Variants in COG3 observed in about 807,000 individuals in gnomAD.
COG3 encodes the protein conserved oligomeric Golgi complex subunit 3.
COG3 carries 32 observed loss-of-function variants against 114.1 expected under a neutral mutation model. The ratio of observed to expected loss-of-function variants is 0.28; its 90% CI spans 0.21 to 0.38. COG3 has a LOEUF of 0.38. Ranked by LOEUF, COG3 falls within the 10% of genes least tolerant of loss-of-function variation. The pLI is 1.00. For synonymous variants in COG3, 352 were observed against 365.7 expected, an observed-to-expected ratio of 0.96 and a Z score of 0.43; for missense variants, 813 against 973.2, an observed-to-expected ratio of 0.84 and a Z score of 2.19.
At chr13:45,503,207 T>C in intron 13 of COG3, 37 bp from the exon 14 acceptor site, 1 of 1,010,894 alleles carries the variant, frequency 9.9e-7, no homozygotes, top group Non-Finnish European at 1.6e-6. Context: ...CAAACACTGC[T>C]GAAAACGGTA....
At position 45,535,928 on chromosome 13, in the gene COG3, C is replaced by G. The variant is rs1873521444; in HGVS notation, c.*1197C>G. The G allele has an allele frequency of 1.0e-6, 1 of 974,568 alleles. No homozygotes were observed. The highest frequency in any genetic ancestry group is 1.7e-5 in the African/African-American group (1 of 57,146). The allele number at this position is 974,568 out of a possible 1,614,324, so 60.4% of individuals were successfully genotyped here. A position where few individuals can be genotyped will look rare whatever the true frequency, so the allele number is the denominator to read the frequency against. On this transcript the variant is annotated 3_prime_UTR_variant, in exon 23 of 23. Transcript: ENST00000349995. Reference sequence around the variant, plus strand: ...ACACTAGTCTAGAGGTGGACATTGTCAGGGGTTCTGGAATGGGACCAGGGG... The same window carrying G: ...ACACTAGTCTAGAGGTGGACATTGTGAGGGGTTCTGGAATGGGACCAGGGG...
rs767976227 is a variant in COG3, at chr13:45,529,910, C to T, written c.2350C>T (p.Pro784Ser). Residue 784 changes from proline to serine, a missense_variant, in exon 21 of 23, where the codon CCT becomes TCT. Pro to Ser is a moderately conservative substitution (Grantham distance 74). Around this residue, in one of 2 missense-constraint regions of COG3, gnomAD observed 389 missense variants for 542.6 expected, o/e 0.72. Transcript: ENST00000349995. ...AGATACCGAGTTCATCTTGTTTAAA[C>T]CTGTGAGGGTGAGTATCAGATAACT... is the stretch of plus-strand genomic sequence containing the variant. ...NKDTEFILFK[P>S]VRNNIQQVFQ... is the part of the protein sequence containing the mutation. The T allele has an allele frequency of 5.6e-6, 9 of 1,607,670 alleles. No individual in the cohort carries two copies. The highest frequency in any genetic ancestry group is 1.7e-5 in the Admixed American group (1 of 58,516).
At position 45,479,082 on chromosome 13, in the gene COG3, G is replaced by T. The variant is rs1361325823; in HGVS notation, c.383+16G>T. 1.3e-6 allele frequency: 2 copies of T among 1,564,214 alleles called. No individual in the cohort carries two copies. Among genetic ancestry groups the T allele is most frequent in the East Asian group, 4.5e-5 (2 of 44,472 alleles). ...CTAAATATAGGTATGTGTGTCTCTT[G>T]CATTTGTTGAATATCTTAATTTTTA... On this transcript the variant is annotated intron_variant, in intron 3 of 22. Coordinates refer to ENST00000349995, the MANE Select transcript of COG3 (RefSeq NM_031431.4).
intron 2 of COG3, among the ~76,000 whole-genome samples, chr13:45,477,862 G>A (rs1885978930): frequency 1.3e-5 from 2 of 152,006 alleles, no homozygotes; most frequent in South Asian, 2.1e-4. Flanking sequence ...TCCTGACCTC[G>A]TGATCTGCCT....
chr13:45,514,059 C>T (rs1454549239), intron 16 of COG3, among the ~76,000 whole-genome samples: 1 of 151,368 alleles, frequency 6.6e-6, no homozygotes, highest in African/African-American at 2.4e-5. Flanking sequence ...TTATTTTCTA[C>T]AGTGATCCTG....
chr13:45,530,036 G>A, intron 21 of COG3, 118 bp downstream of exon 21: 2 of 1,101,382 alleles, frequency 1.8e-6, no homozygotes. Context: ...TTCTAGTGAA[G>A]TTGAATAATC....
At chr13:45,498,464 A>C (rs79216189) in intron 13 of COG3, among the ~76,000 whole-genome samples, 3,168 of 149,142 alleles carry the variant, frequency 0.021, 96 homozygotes, top group African/African-American at 0.069. Context: ...GGTTCAAGCG[A>C]TTTCAAGAAA....
chr13:45,496,186 G>A lies in COG3; in HGVS notation c.1362G>A (p.Lys454=). The change falls in exon 13 of 23, where the codon AAG becomes AAA. Residue 454 remains lysine (K), a synonymous_variant. Transcript: ENST00000349995. ...TGGGGGCATTTGCAGCTGGAGTCAA[G>A]CAGATGTTAGAAGATGTACAGGAGC... ...EQLGAFAAGV[K]QMLEDVQERL... 1 of 1,610,804 alleles carries A rather than the reference G, an allele frequency of 6.2e-7. No homozygotes were observed. Among genetic ancestry groups the A allele is most frequent in the Non-Finnish European group, 8.5e-7 (1 of 1,177,908 alleles).
In COG3 at chr13:45,474,576, A is replaced by G. The variant is rs77144025; in HGVS notation, c.175-1625A>G. ...TAATTTGCCCCATGTCACACAGCTT[A>G]TGAATGAACAGGAGCAGGATTCTAA... On this transcript the variant is annotated intron_variant, in intron 1 of 22. Coordinates refer to ENST00000349995, the MANE Select transcript of COG3 (RefSeq NM_031431.4). Among the ~76,000 whole-genome samples the G allele has an allele frequency of 5.8e-4, 88 of 152,328 alleles. 2 individuals carry two copies. The East Asian group carries it at 0.015, about 26-fold the overall frequency.
chr13:45,511,688 C>A, intron 15 of COG3, 77 bp from the exon 16 acceptor site: 1 of 1,042,378 alleles, frequency 9.6e-7, no homozygotes, highest in Non-Finnish European at 1.5e-6. Context: ...TTGTTATTTG[C>A]ACTTACAGCC....
chr13:45,483,393 G>A (rs763519500), intron 7 of COG3, 38 bp downstream of exon 7: 3 of 1,488,106 alleles, frequency 2.0e-6, no homozygotes, highest in East Asian at 2.4e-5. Flanking sequence ...TTTTGTTATT[G>A]TTGTTGTTTT....
chr13:45,474,398 G>A (rs1176327477), intron 1 of COG3, among the ~76,000 whole-genome samples: 2 of 151,896 alleles, frequency 1.3e-5, no homozygotes, highest in Non-Finnish European at 2.9e-5. Context: ...TCCTGACCTC[G>A]TGATCCGCCC....
At chr13:45,486,331 ACGGGAGAC>A (rs1226918035) in intron 7 of COG3, among the ~76,000 whole-genome samples, 156 bp from the exon 8 acceptor site, 1,978 of 34,626 alleles carry the variant, frequency 0.057, 280 homozygotes, top group African/African-American at 0.18. Flanking sequence ...GAGACGGGAG[ACGGGAGAC>A]GGGAGAGGGA....
chr13:45,481,102 G>A, intron 4 of COG3, 128 bp from the exon 5 acceptor site: 1 of 638,494 alleles, frequency 1.6e-6, no homozygotes, highest in South Asian at 1.8e-5. Flanking sequence ...AGAAATACTT[G>A]AGCTGAATTC....
chr13:45,524,991 A>G lies in COG3; in HGVS notation c.2170A>G (p.Thr724Ala), dbSNP rs747428314. The change falls in exon 20 of 23, where the codon ACA becomes GCA. Residue 724 changes from threonine to alanine, a missense_variant. Thr to Ala is a moderately conservative substitution (Grantham distance 58). Around this residue, in one of 2 missense-constraint regions of COG3, gnomAD observed 389 missense variants for 542.6 expected, o/e 0.72. Coordinates refer to ENST00000349995, the MANE Select transcript of COG3 (RefSeq NM_031431.4). ...EFMTKVSALK[T>A]MASQGGPKYT... ...CCTCTATTAGGTTTCAGCGTTAAAA[A>G]CAATGGCCAGTCAGGGAGGCCCCAA... The G allele has an allele frequency of 7.4e-6, 12 of 1,613,864 alleles. No individual in the cohort carries two copies. The South Asian group carries it at 1.2e-4, about 16-fold the overall frequency.
Position 45,483,313 on chromosome 13 carries a change from T to G in COG3, c.801T>G (p.Thr267=), listed in dbSNP as rs1381517291. The G allele has an allele frequency of 1.2e-6, 2 of 1,604,612 alleles. No individual in the cohort carries two copies. The highest frequency in any genetic ancestry group is 4.5e-5 in the East Asian group (2 of 44,710). Residue 267 remains threonine (T), a synonymous_variant, in exon 7 of 23, where the codon ACT becomes ACG. Transcript: ENST00000349995. ...SKALHLMKTY[T]VNTLQTLTSQ... Reference sequence around the variant, plus strand: ...CTTTGCACCTCATGAAGACATATACTGTGAACACACTACAGACCCTCACAA... The same window carrying G: ...CTTTGCACCTCATGAAGACATATACGGTGAACACACTACAGACCCTCACAA...
intron 14 of COG3, among the ~76,000 whole-genome samples, chr13:45,505,301 C>CT (rs1378918065): frequency 9.0e-6 from 1 of 111,586 alleles, no homozygotes; most frequent in East Asian, 2.9e-4. Context: ...ATTAATCCTG[C>CT]TTCCTTTTTT....
intron 20 of COG3, among the ~76,000 whole-genome samples, chr13:45,528,468 A>G (rs1872884832): frequency 1.3e-5 from 2 of 152,118 alleles, no homozygotes; most frequent in Non-Finnish European, 2.9e-5. Context: ...CTTTACTACA[A>G]CCCTCCTCAA....
Position 45,523,748 on chromosome 13 carries a change from A to G in COG3, c.2155-1228A>G, listed in dbSNP as rs183902217. ...TTAAAACAAAACTGTTGGATATGGG[A>G]AAATGACCAGAATGTAGATTTAGTG... On this transcript the variant is annotated intron_variant, in intron 19 of 22. Transcript: ENST00000349995. Among the ~76,000 whole-genome samples the G allele has an allele frequency of 2.4e-4, 36 of 152,368 alleles. No individual in the cohort carries two copies. In the East Asian group the frequency reaches 6.9e-3, roughly 29 times the overall value.
Sources: gnomAD v4.1 joint callset for allele counts (sites outside exome capture counted in the v4.1 genomes callset) on GRCh38, gnomAD v4.1.1 for gene constraint, gnomAD v4.1.1 regional missense constraint, MANE v1.5 for transcripts, NCBI Gene and HGNC (gene_info 2026-07-23, HGNC 2026-07-21) for gene names.